Variants in THADA observed in about 807,000 individuals in gnomAD.
The protein encoded by THADA is THADA armadillo repeat containing.
A neutral mutation model predicts 219.8 loss-of-function variants in THADA; 213 were observed. The ratio of observed to expected loss-of-function variants is 0.97; its 90% CI spans 0.87 to 1.09. The LOEUF (loss-of-function observed/expected upper bound fraction) is 1.09, where lower values mean the gene tolerates loss of function less well. Among genes scored for constraint, THADA ranks in the 50% least tolerant of loss-of-function variants. The pLI, the probability that THADA is intolerant of heterozygous loss-of-function variation, is 0.00. For missense variants in THADA, 2,956 were observed against 2,311.3 expected (o/e 1.28, Z -5.72); for synonymous variants, 1,018 against 828.9 (o/e 1.23, Z -3.92).
rs139488674 is a variant in THADA, at chr2:43,483,703, A to G, written c.3836+1531T>C. ...CCCTATTCTTCCTCCCTCAGATACA[A>G]CCTAAATGAGGTTTTCTCATTTTCT... On this transcript the variant is annotated intron_variant, in intron 26 of 37. Transcript: ENST00000405975. Among the ~76,000 whole-genome samples the G allele has an allele frequency of 2.8e-3, 429 of 151,968 alleles. 2 individuals are homozygous for G. Among genetic ancestry groups the G allele is most frequent in the African/African-American group, 9.9e-3 (413 of 41,514 alleles).
intron 18 of THADA, 131 bp from the exon 19 acceptor site, chr2:43,552,056 T>A: frequency 1.3e-6 from 2 of 1,529,876 alleles, no homozygotes; most frequent in Non-Finnish European, 1.8e-6. Flanking sequence ...CATAAAAATA[T>A]ACACAGATAC....
chr2:43,524,525 T>TAAA (rs1318653496), intron 22 of THADA, among the ~76,000 whole-genome samples: 1 of 152,254 alleles, frequency 6.6e-6, no homozygotes, highest in Non-Finnish European at 1.5e-5. Context: ...GCAAACTTTT[T>TAAA]AAATGTTGTA....
rs1049671113 is a variant in THADA, at chr2:43,551,943, G to C, written c.2811-18C>G. 5.0e-6 allele frequency: 8 copies of C among 1,591,584 alleles called. No individual in the cohort carries two copies. The highest frequency in any genetic ancestry group is 1.4e-5 in the African/African-American group (1 of 73,570). On this transcript the variant is annotated intron_variant, in intron 18 of 37. Coordinates refer to ENST00000405975, the MANE Select transcript of THADA (RefSeq NM_022065.5). ...GCAGGCTGCTGCAACAAGGACATTA[G>C]GGAAATTTATACTAAAAGCAAAAAT...
In THADA at chr2:43,360,460, G is replaced by C. The variant is rs1452527565; in HGVS notation, c.4228-16223C>G. Among the ~76,000 whole-genome samples the C allele has an allele frequency of 2.0e-5, 3 of 152,176 alleles. No homozygotes were observed. In the East Asian group the frequency reaches 5.8e-4, roughly 29 times the overall value. The stretch of plus-strand genomic sequence containing the variant: ...CAATGACTACAGGTCCTCAAGACTG[G>C]AATATGTTTGTGTCGTGGGCCACCA... On this transcript the variant is annotated intron_variant, in intron 29 of 37. Coordinates refer to ENST00000405975, the MANE Select transcript of THADA (RefSeq NM_022065.5).
intron 9 of THADA, among the ~76,000 whole-genome samples, chr2:43,577,771 T>A (rs1426502347): frequency 2.0e-5 from 3 of 152,062 alleles, no homozygotes; most frequent in Non-Finnish European, 2.9e-5. Flanking sequence ...AACAATTGAC[T>A]CTATCTAGCA....
At chr2:43,376,257 C>A (rs1195650508) in intron 29 of THADA, among the ~76,000 whole-genome samples, 1 of 152,188 alleles carries the variant, frequency 6.6e-6, no homozygotes, top group Non-Finnish European at 1.5e-5. Context: ...GAAGTAATAC[C>A]CTCTTTATGA....
At chr2:43,537,612 C>G (rs1694772216) in intron 21 of THADA, among the ~76,000 whole-genome samples, 1 of 152,106 alleles carries the variant, frequency 6.6e-6, no homozygotes, top group African/African-American at 2.4e-5. Flanking sequence ...AAAGACACTA[C>G]TGAGGGAATA....
intron 36 of THADA, among the ~76,000 whole-genome samples, chr2:43,238,077 C>G (rs865805020): frequency 2.1e-4 from 26 of 124,118 alleles, no homozygotes; most frequent in African/African-American, 8.0e-4. Context: ...CAAGATCGTG[C>G]CACTGCACTC....
At chr2:43,545,248 T>C (rs1300590490) in intron 20 of THADA, among the ~76,000 whole-genome samples, 2 of 151,356 alleles carry the variant, frequency 1.3e-5, no homozygotes, top group African/African-American at 4.9e-5. Context: ...TGGATAAGCT[T>C]TTTAATGTGC....
intron 22 of THADA, among the ~76,000 whole-genome samples, chr2:43,514,673 A>AT (rs1478593399): frequency 1.3e-5 from 1 of 78,388 alleles, no homozygotes; most frequent in Non-Finnish European, 2.2e-5. Flanking sequence ...AATAATATAT[A>AT]ATATATTATA....
intron 15 of THADA, chr2:43,563,930 G>A (rs538709586): frequency 2.0e-5 from 3 of 152,228 alleles, no homozygotes; most frequent in East Asian, 1.9e-4. Flanking sequence ...ACATAATTAC[G>A]ATGGCATTAA....
chr2:43,324,655 C>T (rs1271635697), intron 30 of THADA, among the ~76,000 whole-genome samples: 2 of 152,134 alleles, frequency 1.3e-5, no homozygotes, highest in Non-Finnish European at 2.9e-5. Context: ...CTTGCTATTA[C>T]TTGGTGTTTG....
At chr2:43,321,497 T>C (rs898594245) in intron 30 of THADA, among the ~76,000 whole-genome samples, 3 of 152,230 alleles carry the variant, frequency 2.0e-5, no homozygotes, top group Non-Finnish European at 4.4e-5. Context: ...ATGAGGGTAC[T>C]GTCCTCATGA....
chr2:43,485,301 A>G lies in THADA; in HGVS notation c.3769T>C (p.Phe1257Leu), dbSNP rs1686777371. 1 of 1,613,122 alleles carries G rather than the reference A, an allele frequency of 6.2e-7. No homozygotes were observed. The highest frequency in any genetic ancestry group is 8.5e-7 in the Non-Finnish European group (1 of 1,179,404). Residue 1257 changes from phenylalanine (F) to leucine (L), a missense_variant, in exon 26 of 38, where the codon TTT (phenylalanine) becomes CTT (leucine). Transcript: ENST00000405975. ...WAVRNSSTLLFSALITRIFGV... is the reference protein window; with the variant it reads ...WAVRNSSTLLLSALITRIFGV... ...AAAATTCTTGTGATCAAGGCACTAAAGAGAAGTGTGGATGAATTTCGCACC... is the reference window on the plus strand; with the variant it reads ...AAAATTCTTGTGATCAAGGCACTAAGGAGAAGTGTGGATGAATTTCGCACC...
At chr2:43,259,355 G>A (rs1419733183) in intron 36 of THADA, among the ~76,000 whole-genome samples, 1 of 152,212 alleles carries the variant, frequency 6.6e-6, no homozygotes, top group Non-Finnish European at 1.5e-5. Flanking sequence ...AACCTGGCAA[G>A]GTCAGGAATC....
At position 43,245,172 on chromosome 2, in the gene THADA, C is replaced by CTTTTTTTTTTTTTTTTTTTTTTTTTT. The variant is rs200036949; in HGVS notation, c.5297-12291_5297-12290insAAAAAAAAAAAAAAAAAAAAAAAAAA. Among the ~76,000 whole-genome samples the CTTTTTTTTTTTTTTTTTTTTTTTTTT allele has an allele frequency of 7.8e-5, 8 of 103,094 alleles. 1 individual carries two copies. The highest frequency in any genetic ancestry group is 1.0e-4 in the African/African-American group (2 of 20,016). 67.6% of individuals were successfully genotyped at this position (103,094 alleles called of 152,430 possible). Reference sequence around the variant, plus strand: ...TACTGGAGCTTCTTTCTTTCTTCTTCTTTTTTTTTTTTTTTTTTGAGACGG... The same window carrying CTTTTTTTTTTTTTTTTTTTTTTTTTT: ...TACTGGAGCTTCTTTCTTTCTTCTTCTTTTTTTTTTTTTTTTTTTTTTTTTTTTTTTTTTTTTTTTTTTTGAGACGG... On this transcript the variant is annotated intron_variant, in intron 36 of 37. Transcript: ENST00000405975.
At chr2:43,401,135 T>C (rs1674782581) in intron 28 of THADA, among the ~76,000 whole-genome samples, 1 of 152,218 alleles carries the variant, frequency 6.6e-6, no homozygotes, top group South Asian at 2.1e-4. Context: ...AATACTAGGT[T>C]CTCCACAGAA....
chr2:43,477,937 A>G (rs12185693), intron 26 of THADA, among the ~76,000 whole-genome samples: 33,806 of 152,112 alleles, frequency 0.22, 4,054 homozygotes, highest in Non-Finnish European at 0.27. Context: ...TTCTCTACCT[A>G]TTGAAATCCT....
At chr2:43,260,540 A>C (rs1439918211) in intron 36 of THADA, among the ~76,000 whole-genome samples, 1 of 152,208 alleles carries the variant, frequency 6.6e-6, no homozygotes, top group African/African-American at 2.4e-5. Flanking sequence ...CAGGAGGTAC[A>C]ATGCAAGTAC....
Sources: allele counts gnomAD v4.1 joint callset (sites outside exome capture counted in the v4.1 genomes callset), GRCh38; gene constraint gnomAD v4.1.1; transcripts MANE v1.5; gene names NCBI Gene and HGNC (gene_info 2026-07-23, HGNC 2026-07-21).